Variants in DST observed in about 807,000 individuals in gnomAD.
DST encodes the protein dystonin.
Under a neutral mutation model 875.2 loss-of-function variants are expected in DST, and 253 were observed. The ratio of observed to expected loss-of-function variants is 0.29; its 90% confidence interval spans 0.26 to 0.32. DST has a LOEUF of 0.32. Among genes scored for constraint, DST ranks in the 10% least tolerant of loss-of-function variants. The probability of loss-of-function intolerance (pLI) is 1.00; values close to 1 mark genes in which losing one functional copy is unlikely to be tolerated. For missense variants in DST, 8,287 were observed against 9,111.6 expected (o/e 0.91, Z 3.68); for synonymous variants, 3,124 against 3,197.1 (o/e 0.98, Z 0.77).
intron 9 of DST, among the ~76,000 whole-genome samples, chr6:56,688,334 T>C (rs1290387522): frequency 6.6e-6 from 1 of 152,204 alleles, no homozygotes; most frequent in Non-Finnish European, 1.5e-5. Flanking sequence ...AATCATAAAT[T>C]TTATAGTCTA....
At chr6:56,597,609 C>G (rs1160103329) in intron 47 of DST, 131 bp downstream of exon 47, 1 of 827,788 alleles carries the variant, frequency 1.2e-6, no homozygotes. Flanking sequence ...TAATTTATAT[C>G]TGACATGATG....
chr6:56,652,279 C>T (rs1428920646), intron 10 of DST, among the ~76,000 whole-genome samples: 1 of 152,156 alleles, frequency 6.6e-6, no homozygotes, highest in Admixed American at 6.5e-5. Flanking sequence ...ACATTGGAGA[C>T]TTCACTCAAG....
At chr6:56,778,441 G>C (rs866856142) in intron 4 of DST, among the ~76,000 whole-genome samples, 1 of 146,752 alleles carries the variant, frequency 6.8e-6, no homozygotes. Context: ...GTGCAGGTTA[G>C]TTACATATGT....
At chr6:56,840,415 T>C (rs1456263087) in intron 4 of DST, among the ~76,000 whole-genome samples, 1 of 152,230 alleles carries the variant, frequency 6.6e-6, no homozygotes, top group African/African-American at 2.4e-5. Flanking sequence ...TAAAGAATTA[T>C]GTTTTACTCA....
At chr6:56,624,272 C>T (rs2098714715) in intron 36 of DST, 2 of 609,584 alleles carry the variant, frequency 3.3e-6, no homozygotes, top group Admixed American at 5.7e-5. Flanking sequence ...ATTAACCCCA[C>T]CATATTAGAG....
In DST at chr6:56,593,967, G is replaced by A; in HGVS notation, c.12422C>T (p.Ala4141Val). ...SLQEELEKFDADYTEFEHWLQ... is the reference protein window; with the variant it reads ...SLQEELEKFDVDYTEFEHWLQ... Reference sequence around the variant, plus strand: ...CCAGTGCTCAAACTCGGTATAGTCAGCATCAAACTTTTCTAATTCTTCCTG... The same window carrying A: ...CCAGTGCTCAAACTCGGTATAGTCAACATCAAACTTTTCTAATTCTTCCTG... Residue 4141 changes from alanine (A) to valine (V), a missense_variant, in exon 48 of 104, where the codon GCT becomes GTT. This residue lies in a region of DST where 1,513 missense variants were observed against 1,677.8 expected (regional missense o/e 0.90). Transcript: ENST00000680361. 1 of 1,613,876 alleles carries A rather than the reference G, an allele frequency of 6.2e-7. No homozygotes were observed. The highest frequency in any genetic ancestry group is 8.5e-7 in the Non-Finnish European group (1 of 1,179,856).
chr6:56,923,899 G>C (rs1333119527), intron 2 of DST, among the ~76,000 whole-genome samples: 3 of 152,086 alleles, frequency 2.0e-5, no homozygotes, highest in African/African-American at 7.2e-5. Flanking sequence ...TGAGGCGGGA[G>C]GATCACTTTA....
At chr6:56,483,822 A>G (rs948446777) in intron 88 of DST, 1 of 152,162 alleles carries the variant, frequency 6.6e-6, no homozygotes, top group African/African-American at 2.4e-5. Flanking sequence ...AAGTGAGCCT[A>G]TCACAAAAGT....
chr6:56,949,809 A>G (rs572498050), intron 2 of DST, among the ~76,000 whole-genome samples: 101 of 152,290 alleles, frequency 6.6e-4, no homozygotes, highest in African/African-American at 2.2e-3. Flanking sequence ...TAATCCACTA[A>G]ATTAGGTAAT....
intron 61 of DST, among the ~76,000 whole-genome samples, chr6:56,547,250 G>A (rs890381327): frequency 5.3e-5 from 8 of 152,166 alleles, no homozygotes; most frequent in African/African-American, 1.9e-4. Context: ...CCACACAGCA[G>A]ATCAGCTCCA....
intron 49 of DST, 104 bp from the exon 50 acceptor site, chr6:56,579,041 T>C: frequency 9.3e-7 from 1 of 1,069,830 alleles, no homozygotes; most frequent in African/African-American, 1.6e-5. Context: ...TTGGACAGAA[T>C]AAACTTTTCA....
At chr6:56,580,952 C>T (rs1465438916) in intron 49 of DST, among the ~76,000 whole-genome samples, 1 of 149,390 alleles carries the variant, frequency 6.7e-6, no homozygotes, top group Admixed American at 6.8e-5. Context: ...ACAGGCTGGT[C>T]TCAAACTCCT....
At position 56,605,669 on chromosome 6, in the gene DST, T is replaced by A; in HGVS notation, c.8959A>T (p.Thr2987Ser). The change falls in exon 40 of 104, where the codon ACA (threonine) becomes TCA (serine). Residue 2987 changes from threonine (T) to serine (S), a missense_variant. Transcript: ENST00000680361. ...TCAAGAGATGAGTCAACTTTTGGTG[T>A]CATATTCTTAAAATATTCATCTTTA... ...KGKDEYFKNM[T>S]PKVDSSLDHI... 2 of 1,612,990 alleles carry A rather than the reference T, an allele frequency of 1.2e-6. No homozygotes were observed. The highest frequency in any genetic ancestry group is 8.5e-7 in the Non-Finnish European group (1 of 1,179,358).
chr6:56,681,221 A>G (rs748736238), intron 9 of DST, among the ~76,000 whole-genome samples: 2 of 152,136 alleles, frequency 1.3e-5, no homozygotes, highest in Non-Finnish European at 2.9e-5. Context: ...GCCCCCAAAT[A>G]AAAGAAGCTG....
chr6:56,770,815 A>G (rs546973736), intron 4 of DST, among the ~76,000 whole-genome samples: 28 of 152,236 alleles, frequency 1.8e-4, no homozygotes, highest in African/African-American at 6.5e-4. Flanking sequence ...AGCCTGACCA[A>G]CATGGAGAAA....
chr6:56,933,352 C>T (rs1387301038), intron 2 of DST, among the ~76,000 whole-genome samples: 2 of 152,238 alleles, frequency 1.3e-5, no homozygotes, highest in African/African-American at 2.4e-5. Context: ...TTTCCTAAAA[C>T]TTAACCATGC....
chr6:56,836,423 CAATTTT>C (rs1383602638), intron 4 of DST, among the ~76,000 whole-genome samples: 1 of 152,100 alleles, frequency 6.6e-6, no homozygotes, highest in Non-Finnish European at 1.5e-5. Flanking sequence ...TACTGTTTTG[CAATTTT>C]AAATTAAAAT....
intron 4 of DST, among the ~76,000 whole-genome samples, chr6:56,819,085 C>T (rs576320944): frequency 4.1e-4 from 63 of 152,282 alleles, no homozygotes; most frequent in African/African-American, 1.3e-3. Flanking sequence ...GCAACTAAAA[C>T]ACTTCCTTTA....
chr6:56,770,918 T>A (rs1023158515), intron 4 of DST, among the ~76,000 whole-genome samples: 7 of 150,888 alleles, frequency 4.6e-5, no homozygotes, highest in African/African-American at 1.7e-4. Flanking sequence ...GAGAATAGCT[T>A]GAACCCGGGA....
Sources: gnomAD v4.1 joint callset for allele counts (sites outside exome capture counted in the v4.1 genomes callset) on GRCh38, gnomAD v4.1.1 for gene constraint, gnomAD v4.1.1 regional missense constraint, MANE v1.5 for transcripts, NCBI Gene and HGNC (gene_info 2026-07-23, HGNC 2026-07-21) for gene names.